The following VOPP1 variants were observed in gnomAD, a reference collection of about 807,000 sequenced individuals.
VOPP1 encodes VOPP1 WW domain binding protein, also known as WW domain binding protein VOPP1.
VOPP1 carries 8 observed loss-of-function variants against 23.5 expected under a neutral mutation model. The observed-to-expected ratio is 0.34, with a 90% CI of 0.20 to 0.61. The LOEUF is 0.61. Ranked by LOEUF, VOPP1 falls within the 20% of genes least tolerant of loss-of-function variation. VOPP1 has a pLI of 0.78. For missense variants in VOPP1, 174 were observed against 238.1 expected (o/e 0.73, Z 1.77); for synonymous variants, 83 against 97.3 (o/e 0.85, Z 0.86).
intron 1 of VOPP1, among the ~76,000 whole-genome samples, chr7:55,545,053 G>A (rs1307449691): frequency 6.6e-6 from 1 of 152,152 alleles, no homozygotes; most frequent in Non-Finnish European, 1.5e-5. Context: ...TTTAAAATGT[G>A]GAGGCAAATA....
At position 55,442,943 on chromosome 7, in the gene VOPP1, C is replaced by T. The variant is rs372109576; in HGVS notation, n.418-6769G>A. On this transcript the variant is annotated intron_variant and non_coding_transcript_variant, in intron 4 of 4. Transcript: ENST00000462326. ...CATCCTGCCTAACACAGTGAAACCC[C>T]GTCTCTACTAAACAAAATACAAAAA... is the stretch of plus-strand genomic sequence containing the variant. 3.3e-5 allele frequency among the ~76,000 whole-genome samples: 5 copies of T among 151,988 alleles called. No individual in the cohort carries two copies. The East Asian group carries it at 7.8e-4, about 24-fold the overall frequency.
At chr7:55,525,354 T>C (rs561013701) in intron 1 of VOPP1, among the ~76,000 whole-genome samples, 13 of 151,864 alleles carry the variant, frequency 8.6e-5, no homozygotes, top group African/African-American at 3.1e-4. Flanking sequence ...CCGGGCGTGG[T>C]GGTGGGCGCC....
rs190845366 is a variant in VOPP1 at position 55,558,713 on chromosome 7, T to A, written c.54+13558A>T. On this transcript the variant is annotated intron_variant, in intron 1 of 4. Transcript: ENST00000285279. ...CATCCATCCATGTCCAACCCCAGGCTCCTTGCAGACAAAGACCCAAAAGAC... is the reference window on the plus strand; with the variant it reads ...CATCCATCCATGTCCAACCCCAGGCACCTTGCAGACAAAGACCCAAAAGAC... Among the ~76,000 whole-genome samples the A allele has an allele frequency of 1.8e-3, 279 of 152,258 alleles. 1 individual carries two copies. The highest frequency in any genetic ancestry group is 5.3e-3 in the African/African-American group (219 of 41,548).
intron 1 of VOPP1, among the ~76,000 whole-genome samples, chr7:55,529,756 G>A (rs529404327): frequency 9.9e-5 from 15 of 152,088 alleles, no homozygotes; most frequent in South Asian, 6.2e-4. Context: ...CTACCCCAGC[G>A]CCCCAAGCAA....
intron 1 of VOPP1, among the ~76,000 whole-genome samples, chr7:55,539,934 C>CAA: frequency 6.6e-6 from 1 of 151,190 alleles, no homozygotes; most frequent in South Asian, 2.1e-4. Flanking sequence ...CACACACACA[C>CAA]ACACACAGCC....
At chr7:55,516,813 G>C (rs1390612902) in intron 2 of VOPP1, among the ~76,000 whole-genome samples, 1 of 146,660 alleles carries the variant, frequency 6.8e-6, no homozygotes, top group Non-Finnish European at 1.5e-5. Flanking sequence ...ATATTTGTAA[G>C]GAATATCTGT....
intron 4 of VOPP1, among the ~76,000 whole-genome samples, chr7:55,451,205 T>A (rs1791234764): frequency 6.6e-6 from 1 of 151,922 alleles, no homozygotes; most frequent in East Asian, 1.9e-4. Context: ...GGCACAGGAG[T>A]GGAACGAGAT....
chr7:55,440,075 C>T lies in VOPP1; in HGVS notation n.418-3901G>A, dbSNP rs562279846. Reference sequence around the variant, plus strand: ...TAGCCTCAGGGGCTCCCGTGGTCACCGCTGGTGAGAGCGGGTGGCAGGTTT... The same window carrying T: ...TAGCCTCAGGGGCTCCCGTGGTCACTGCTGGTGAGAGCGGGTGGCAGGTTT... On this transcript the variant is annotated intron_variant and non_coding_transcript_variant, in intron 4 of 4. Transcript: ENST00000462326. Among the ~76,000 whole-genome samples, 77 of 152,268 alleles carry T rather than the reference C, an allele frequency of 5.1e-4. No homozygotes were observed. In the South Asian group the frequency reaches 0.014, roughly 27 times the overall value.
intron 1 of VOPP1, among the ~76,000 whole-genome samples, chr7:55,567,657 T>G (rs1390463648): frequency 1.3e-5 from 2 of 152,212 alleles, no homozygotes; most frequent in Non-Finnish European, 2.9e-5. Flanking sequence ...CTCAGACACC[T>G]GGACCCAGGC....
At chr7:55,560,418 A>C (rs2129055984) in intron 1 of VOPP1, among the ~76,000 whole-genome samples, 1 of 152,342 alleles carries the variant, frequency 6.6e-6, no homozygotes, top group Non-Finnish European at 1.5e-5. Flanking sequence ...AAGGGTCTTT[A>C]CAGTGACAGA....
rs2129055144 is a variant in VOPP1, at chr7:55,556,525, A to G, written c.54+15746T>C. On this transcript the variant is annotated intron_variant, in intron 1 of 4. Coordinates refer to ENST00000285279, the MANE Select transcript of VOPP1 (RefSeq NM_030796.5). ...ACAGGAACTCCCTCCACGACAGGCC[A>G]TGATGGAACCTCAAAGAGAAAAATG... 2.0e-5 allele frequency among the ~76,000 whole-genome samples: 3 copies of G among 152,330 alleles called. 1 individual carries two copies. In the Middle Eastern group the frequency reaches 0.01, roughly 518 times the overall value.
chr7:55,454,384 G>T lies in VOPP1; in HGVS notation n.418-18210C>A, dbSNP rs192154034. Among the ~76,000 whole-genome samples the T allele has an allele frequency of 2.2e-4, 33 of 152,236 alleles. No homozygotes were observed. In the East Asian group the frequency reaches 5.8e-3, roughly 27 times the overall value. Reference sequence around the variant, plus strand: ...CTACCAGAGGTACAAAGAGGAGCTGGGAACATTCCTTCTGAAACTATTCCA... The same window carrying T: ...CTACCAGAGGTACAAAGAGGAGCTGTGAACATTCCTTCTGAAACTATTCCA... On this transcript the variant is annotated intron_variant and non_coding_transcript_variant, in intron 4 of 4. Transcript: ENST00000462326.
At chr7:55,547,295 C>T (rs184158636) in intron 1 of VOPP1, among the ~76,000 whole-genome samples, 2 of 152,246 alleles carry the variant, frequency 1.3e-5, no homozygotes, top group African/African-American at 4.8e-5. Context: ...GCTACCTTCC[C>T]CCTGGGGCTA....
intron 3 of VOPP1, 26 bp from the exon 4 acceptor site, chr7:55,492,444 G>A: frequency 6.3e-7 from 1 of 1,585,950 alleles, no homozygotes; most frequent in Non-Finnish European, 8.6e-7. Context: ...ACGTGAGGGT[G>A]GTGCTCCCAG....
At chr7:55,551,558 C>T (rs1379279340) in intron 1 of VOPP1, among the ~76,000 whole-genome samples, 2 of 152,236 alleles carry the variant, frequency 1.3e-5, no homozygotes, top group East Asian at 3.9e-4. Context: ...CTAGTTTTTC[C>T]ATTTCTAGAA....
chr7:55,449,217 GC>G (rs1791178724), intron 4 of VOPP1, among the ~76,000 whole-genome samples: 1 of 152,224 alleles, frequency 6.6e-6, no homozygotes, highest in East Asian at 1.9e-4. Context: ...TCCTGTCGGC[GC>G]CCGTGCCTCA....
rs540475145 is a variant in VOPP1, at chr7:55,544,070, T to C, written c.55-22940A>G. Reference sequence around the variant, plus strand: ...CCAGGTCTTACATTTAAGTCTTTGATTTTGAGTTGATTTTTGTACATGGCG... The same window carrying C: ...CCAGGTCTTACATTTAAGTCTTTGACTTTGAGTTGATTTTTGTACATGGCG... On this transcript the variant is annotated intron_variant, in intron 1 of 4. Transcript: ENST00000285279. Among the ~76,000 whole-genome samples the C allele has an allele frequency of 1.2e-3, 176 of 152,324 alleles. 2 individuals are homozygous for C. In the Middle Eastern group the frequency reaches 0.02, roughly 18 times the overall value.
chr7:55,560,239 GGC>G (rs1161810835), intron 1 of VOPP1, among the ~76,000 whole-genome samples: 1 of 152,098 alleles, frequency 6.6e-6, no homozygotes, highest in Non-Finnish European at 1.5e-5. Flanking sequence ...TCAACCTTGT[GGC>G]AAGCAAAGTA....
Position 55,471,007 on chromosome 7 carries a change from G to A in VOPP1, c.*1848C>T, listed in dbSNP as rs577310075. 8 of 152,558 alleles carry A rather than the reference G, an allele frequency of 5.2e-5. No individual in the cohort carries two copies. Among genetic ancestry groups the A allele is most frequent in the South Asian group, 2.1e-4 (1 of 4,804 alleles). 9.5% of individuals were successfully genotyped at this position (152,558 alleles called of 1,614,324 possible). On this transcript the variant is annotated 3_prime_UTR_variant, in exon 5 of 5. Transcript: ENST00000285279. Reference sequence around the variant, plus strand: ...ATAATTTGCTATCAAAAAGACAAACGAAATTTAGTCACGGACTTTTGGGTG... The same window carrying A: ...ATAATTTGCTATCAAAAAGACAAACAAAATTTAGTCACGGACTTTTGGGTG...
Sources: allele counts gnomAD v4.1 joint callset (sites outside exome capture counted in the v4.1 genomes callset), GRCh38; gene constraint gnomAD v4.1.1; transcripts MANE v1.5; gene names NCBI Gene and HGNC (gene_info 2026-07-23, HGNC 2026-07-21).